Variants in STARD13 observed in about 807,000 individuals in gnomAD.
STARD13 encodes StAR related lipid transfer domain containing 13.
In STARD13, 62 loss-of-function variants were observed where a neutral mutation model predicts 106.4. The observed-to-expected ratio is 0.58, with a 90% confidence interval of 0.48 to 0.72. The LOEUF is 0.72. Among genes scored for constraint, STARD13 ranks in the 30% least tolerant of loss-of-function variants. The pLI, the probability that STARD13 is intolerant of heterozygous loss-of-function variation, is 0.00. For synonymous variants in STARD13, 565 were observed against 553.0 expected (o/e 1.02, Z -0.31); for missense variants, 1,387 against 1,424.0 (o/e 0.97, Z 0.42).
the STARD13 span, among the ~76,000 whole-genome samples, chr13:33,586,243 C>A: frequency 6.6e-6 from 1 of 152,156 alleles, no homozygotes; most frequent in Admixed American, 6.5e-5. Flanking sequence ...GAAAACACAT[C>A]TAGTTAGTAT....
At chr13:33,665,659 G>T in the STARD13 span, among the ~76,000 whole-genome samples, 1 of 152,154 alleles carries the variant, frequency 6.6e-6, no homozygotes, top group Non-Finnish European at 1.5e-5. Flanking sequence ...ATAGGAGAAC[G>T]TGCATCTTTA....
At chr13:33,199,175 T>C (rs1328994252) in intron 1 of STARD13, among the ~76,000 whole-genome samples, 1 of 152,256 alleles carries the variant, frequency 6.6e-6, no homozygotes. Context: ...TGCATAAAGC[T>C]TTTCCATTCT....
chr13:33,192,708 G>C (rs1886337099), intron 1 of STARD13, among the ~76,000 whole-genome samples: 1 of 152,112 alleles, frequency 6.6e-6, no homozygotes. Flanking sequence ...AGACCAACCT[G>C]ACTAAAATGG....
chr13:33,189,438 G>T (rs868558037), intron 1 of STARD13, among the ~76,000 whole-genome samples: 1 of 118,196 alleles, frequency 8.5e-6, no homozygotes, highest in Admixed American at 8.1e-5. Context: ...TCCTTTCGGA[G>T]GAAGGAGGGA....
Position 33,249,158 on chromosome 13 carries a change from T to C in STARD13, c.169+36312A>G, listed in dbSNP as rs111350182. On this transcript the variant is annotated intron_variant, in intron 1 of 13. Transcript: ENST00000336934. ...GAGGAAAAAAAAGTTGGGAACACGA[T>C]AACATCATTTCCTAAATGGTAGGAG... Among the ~76,000 whole-genome samples the C allele has an allele frequency of 1.3e-3, 202 of 152,304 alleles. 1 individual carries two copies. The highest frequency in any genetic ancestry group is 4.4e-3 in the African/African-American group (181 of 41,574).
the STARD13 span, among the ~76,000 whole-genome samples, chr13:33,676,367 A>G: frequency 6.6e-6 from 1 of 152,202 alleles, no homozygotes; most frequent in African/African-American, 2.4e-5. Context: ...TCCCATTTTT[A>G]AGCATACTGA....
At position 33,105,305 on chromosome 13, in the gene STARD13, T is replaced by C; in HGVS notation, c.*288A>G. 2.9e-6 allele frequency: 1 copy of C among 348,042 alleles called. No individual in the cohort carries two copies. The highest frequency in any genetic ancestry group is 4.0e-5 in the Admixed American group (1 of 24,784). 21.6% of individuals were successfully genotyped at this position (348,042 alleles called of 1,614,324 possible). A position where few individuals can be genotyped will look rare whatever the true frequency, so the allele number is the denominator to read the frequency against. ...TATACGCTTCTTAGAAGCCTTTAAA[T>C]AGCAAATTAGGCAATGCACAAGGAA... On this transcript the variant is annotated 3_prime_UTR_variant, in exon 14 of 14. Coordinates refer to ENST00000336934, the MANE Select transcript of STARD13 (RefSeq NM_178006.4).
At chr13:33,434,884 G>GAGAAGGAAAGAA in the STARD13 span, among the ~76,000 whole-genome samples, 6,251 of 121,284 alleles carry the variant, frequency 0.052, 172 homozygotes, top group Middle Eastern at 0.077. Flanking sequence ...AAGGAAGGGA[G>GAGAAGGAAAGAA]GGAAGGAAAG....
chr13:33,660,517 T>G, the STARD13 span, among the ~76,000 whole-genome samples: 15 of 152,176 alleles, frequency 9.9e-5, no homozygotes, highest in Non-Finnish European at 1.8e-4. Context: ...ATAGTAACAT[T>G]TGGGGGTGGT....
chr13:33,400,759 A>G, the STARD13 span, among the ~76,000 whole-genome samples: 283 of 152,254 alleles, frequency 1.9e-3, 1 homozygote, highest in African/African-American at 6.6e-3. Context: ...CACCGCACCC[A>G]GCCCGTCTTC....
At chr13:33,206,910 C>T (rs914088779) in intron 1 of STARD13, among the ~76,000 whole-genome samples, 3 of 152,180 alleles carry the variant, frequency 2.0e-5, no homozygotes, top group African/African-American at 4.8e-5. Context: ...GGATTCGAGT[C>T]TCAGTTTTAT....
At chr13:33,167,656 CCACAGCCGCACCCTAGTA>C in intron 1 of STARD13, 34 bp from the exon 2 acceptor site, 1 of 1,591,032 alleles carries the variant, frequency 6.3e-7, no homozygotes, top group Non-Finnish European at 8.6e-7. Flanking sequence ...ATTGTGAGTC[CCACAGCCGCACCCTAGTA>C]CTCTGCCTTC....
the STARD13 span, among the ~76,000 whole-genome samples, chr13:33,491,941 G>A: frequency 2.0e-5 from 3 of 152,180 alleles, no homozygotes; most frequent in Admixed American, 6.5e-5. Context: ...GGGTGCAGGC[G>A]GGCTGAGTCC....
At chr13:33,434,924 A>AGGAAGGAC in the STARD13 span, among the ~76,000 whole-genome samples, 1 of 151,694 alleles carries the variant, frequency 6.6e-6, no homozygotes, top group Non-Finnish European at 1.5e-5. Flanking sequence ...GAAGGAAGGA[A>AGGAAGGAC]GGAAGGAAGG....
At chr13:33,396,527 C>T in the STARD13 span, among the ~76,000 whole-genome samples, 6 of 152,170 alleles carry the variant, frequency 3.9e-5, no homozygotes, top group Admixed American at 1.3e-4. Flanking sequence ...TACACAAAAG[C>T]ACACATAGTA....
chr13:33,470,936 C>A, the STARD13 span, among the ~76,000 whole-genome samples: 30 of 152,128 alleles, frequency 2.0e-4, no homozygotes, highest in Non-Finnish European at 3.4e-4. Context: ...TGATTAGATC[C>A]ATTTGTGTAT....
the STARD13 span, among the ~76,000 whole-genome samples, chr13:33,674,732 C>T: frequency 6.6e-6 from 1 of 152,136 alleles, no homozygotes; most frequent in African/African-American, 2.4e-5. Flanking sequence ...ACAGAGAAAT[C>T]TTGAAATTTT....
chr13:33,391,600 G>A, the STARD13 span, among the ~76,000 whole-genome samples: 124 of 152,266 alleles, frequency 8.1e-4, no homozygotes, highest in Non-Finnish European at 1.2e-3. Context: ...ATAAATGACC[G>A]TTAGGTGGGC....
At chr13:33,397,121 C>T in the STARD13 span, among the ~76,000 whole-genome samples, 7 of 152,138 alleles carry the variant, frequency 4.6e-5, no homozygotes, top group Admixed American at 1.3e-4. Context: ...TCCATGAGGC[C>T]AGGAAAGAAC....
Sources: gnomAD v4.1 joint callset for allele counts (sites outside exome capture counted in the v4.1 genomes callset) on GRCh38, gnomAD v4.1.1 for gene constraint, MANE v1.5 for transcripts, NCBI Gene and HGNC (gene_info 2026-07-23, HGNC 2026-07-21) for gene names.